Variants in HSF2BP observed in about 807,000 individuals in gnomAD.
The protein encoded by HSF2BP is heat shock factor 2-binding protein.
Under a neutral mutation model 35.0 loss-of-function variants are expected in HSF2BP, and 35 were observed. The ratio of observed to expected loss-of-function variants is 1.00; its 90% CI spans 0.76 to 1.32. HSF2BP has a LOEUF of 1.32. Ranked by LOEUF, HSF2BP falls within the 40% of genes most tolerant of loss-of-function variation. The pLI, the probability that HSF2BP is intolerant of heterozygous loss-of-function variation, is 0.00. For missense variants in HSF2BP, 326 were observed against 321.7 expected (o/e 1.01, Z -0.10); for synonymous variants, 114 against 117.4 (o/e 0.97, Z 0.18).
At chr21:43,573,311 G>T (rs893233386) in intron 8 of HSF2BP, among the ~76,000 whole-genome samples, 4 of 152,234 alleles carry the variant, frequency 2.6e-5, no homozygotes, top group African/African-American at 9.6e-5. Context: ...TGGGCCCATG[G>T]CGGGGTGTTC....
chr21:43,574,703 C>T (rs542608343), intron 8 of HSF2BP, among the ~76,000 whole-genome samples: 2 of 152,268 alleles, frequency 1.3e-5, no homozygotes, highest in Admixed American at 6.5e-5. Context: ...TAGTCCTCCC[C>T]GACCCCAACA....
intron 4 of HSF2BP, among the ~76,000 whole-genome samples, chr21:43,637,699 G>A (rs2082582685): frequency 6.6e-6 from 1 of 151,732 alleles, no homozygotes; most frequent in Admixed American, 6.6e-5. Context: ...TATAGACTCA[G>A]GAGGTTCAGG....
chr21:43,592,056 A>G (rs1462383183), intron 8 of HSF2BP, among the ~76,000 whole-genome samples, 169 bp downstream of exon 8: 1 of 152,240 alleles, frequency 6.6e-6, no homozygotes, highest in Admixed American at 6.5e-5. Context: ...TATAAATTAA[A>G]CTTTACATAC....
At position 43,643,677 on chromosome 21, in the gene HSF2BP, C is replaced by T. The variant is rs780711436; in HGVS notation, c.291+612G>A. ...CTTTTCTTTATAAATTACTCAGCCT[C>T]GCCGGGCGTGATGGCTCACGCCTGT... On this transcript the variant is annotated intron_variant, in intron 4 of 8. Coordinates refer to ENST00000291560, the MANE Select transcript of HSF2BP (RefSeq NM_007031.2). Among the ~76,000 whole-genome samples, 9 of 152,262 alleles carry T rather than the reference C, an allele frequency of 5.9e-5. No homozygotes were observed. The South Asian group carries it at 6.2e-4, about 11-fold the overall frequency.
intron 7 of HSF2BP, among the ~76,000 whole-genome samples, chr21:43,607,939 A>G (rs1179607117): frequency 2.6e-5 from 4 of 152,206 alleles, no homozygotes; most frequent in Admixed American, 6.5e-5. Flanking sequence ...CACAGATAAA[A>G]ATTAACTCAA....
chr21:43,573,216 C>T (rs1178500550), intron 8 of HSF2BP, among the ~76,000 whole-genome samples: 1 of 152,224 alleles, frequency 6.6e-6, no homozygotes, highest in Non-Finnish European at 1.5e-5. Flanking sequence ...AGAAGAGCCA[C>T]CTTTCTAATG....
chr21:43,601,931 A>T (rs2082057457), intron 7 of HSF2BP, among the ~76,000 whole-genome samples: 1 of 152,226 alleles, frequency 6.6e-6, no homozygotes, highest in South Asian at 2.1e-4. Flanking sequence ...CTTTGACTGG[A>T]AACTGGTTAG....
Position 43,592,337 on chromosome 21 carries a change from T to TA in HSF2BP, c.693-10dup. 1.9e-6 allele frequency: 3 copies of TA among 1,591,286 alleles called. No individual in the cohort carries two copies. The highest frequency in any genetic ancestry group is 2.6e-6 in the Non-Finnish European group (3 of 1,159,256). On this transcript the variant is annotated splice_polypyrimidine_tract_variant and intron_variant, in intron 7 of 8. Coordinates refer to ENST00000291560, the MANE Select transcript of HSF2BP (RefSeq NM_007031.2). ...GGGACATCAGCATTAGCCTGAAATG[T>TA]AAAAGAAAAAGGTGTTGGAATGCTC...
chr21:43,590,916 C>G (rs2081917934), intron 8 of HSF2BP, among the ~76,000 whole-genome samples: 1 of 152,124 alleles, frequency 6.6e-6, no homozygotes, highest in Non-Finnish European at 1.5e-5. Flanking sequence ...TTGCACATTA[C>G]CTTGATTGTG....
chr21:43,657,918 C>T, intron 2 of HSF2BP, 143 bp downstream of exon 2: 1 of 1,467,350 alleles, frequency 6.8e-7, no homozygotes, highest in Non-Finnish European at 9.0e-7. Flanking sequence ...CCGGCCCAGC[C>T]CACGCCGTTA....
chr21:43,657,490 C>T (rs539937343), intron 2 of HSF2BP, among the ~76,000 whole-genome samples: 31 of 152,302 alleles, frequency 2.0e-4, no homozygotes, highest in Admixed American at 9.1e-4. Context: ...CCAAGCCCTC[C>T]GCCCGTGATC....
intron 3 of HSF2BP, among the ~76,000 whole-genome samples, chr21:43,646,033 G>C (rs1025535695): frequency 1.3e-5 from 2 of 151,788 alleles, no homozygotes; most frequent in African/African-American, 4.8e-5. Context: ...CGTTTCTTAG[G>C]GGCCCGGCTC....
At chr21:43,630,201 A>C (rs2082436846) in intron 6 of HSF2BP, 121 bp downstream of exon 6, 1 of 746,256 alleles carries the variant, frequency 1.3e-6, no homozygotes, top group East Asian at 2.8e-5. Flanking sequence ...TGTAAACATA[A>C]TTTGTATATG....
chr21:43,604,497 ACAC>A (rs796555686), intron 7 of HSF2BP, among the ~76,000 whole-genome samples: 5 of 140,066 alleles, frequency 3.6e-5, no homozygotes, highest in African/African-American at 1.4e-4. Context: ...CACACACACC[ACAC>A]ACTACACACA....
intron 4 of HSF2BP, among the ~76,000 whole-genome samples, chr21:43,642,844 G>A (rs1447632812): frequency 7.1e-6 from 1 of 141,660 alleles, no homozygotes; most frequent in African/African-American, 2.7e-5. Context: ...CTGTTGCCCA[G>A]GCTGGAGTGC....
At chr21:43,580,426 C>A (rs2081710125) in intron 8 of HSF2BP, among the ~76,000 whole-genome samples, 1 of 152,198 alleles carries the variant, frequency 6.6e-6, no homozygotes, top group Non-Finnish European at 1.5e-5. Flanking sequence ...GCCATTTGAC[C>A]ACTCAATTAT....
intron 7 of HSF2BP, among the ~76,000 whole-genome samples, chr21:43,595,256 T>TA (rs201262102): frequency 2.0e-5 from 3 of 147,126 alleles, no homozygotes; most frequent in African/African-American, 2.5e-5. Flanking sequence ...AGTGAGACTC[T>TA]AAAAAAAAAA....
intron 7 of HSF2BP, among the ~76,000 whole-genome samples, chr21:43,609,417 C>A (rs916229975): frequency 7.9e-5 from 12 of 152,106 alleles, no homozygotes; most frequent in African/African-American, 2.4e-4. Context: ...TGCACATGTA[C>A]CCCCTGAATC....
At chr21:43,650,087 C>T (rs1037114957) in intron 3 of HSF2BP, among the ~76,000 whole-genome samples, 21 of 152,180 alleles carry the variant, frequency 1.4e-4, no homozygotes, top group Non-Finnish European at 5.9e-5. Flanking sequence ...GTGTTTTCAT[C>T]GCACCACCTT....
Sources: gnomAD v4.1 joint callset for allele counts (sites outside exome capture counted in the v4.1 genomes callset) on GRCh38, gnomAD v4.1.1 for gene constraint, MANE v1.5 for transcripts, NCBI Gene and HGNC (gene_info 2026-07-23, HGNC 2026-07-21) for gene names.